DNAH17: variants seen among roughly 807,000 people sequenced by gnomAD.
DNAH17 encodes dynein axonemal heavy chain 17.
A neutral mutation model predicts 485.6 loss-of-function variants in DNAH17; 376 were observed. The ratio of observed to expected loss-of-function variants is 0.77; its 90% CI spans 0.71 to 0.84. The LOEUF is 0.84. DNAH17 is among the 40% of genes least tolerant of loss of function. The probability of loss-of-function intolerance (pLI) is 0.00; values close to 1 mark genes in which losing one functional copy is unlikely to be tolerated. For missense variants in DNAH17, 6,370 were observed against 5,839.3 expected (o/e 1.09, Z -2.96); for synonymous variants, 3,031 against 2,405.9 (o/e 1.26, Z -7.60).
At chr17:78,562,073 G>A in intron 11 of DNAH17, 93 bp from the exon 12 acceptor site, 3 of 1,436,708 alleles carry the variant, frequency 2.1e-6, no homozygotes, top group Non-Finnish European at 2.8e-6. Context: ...CCAATCTTCA[G>A]GAGTGAGAGA....
At position 78,501,294 on chromosome 17, in the gene DNAH17, C is replaced by A. The variant is rs1475675468; in HGVS notation, c.5373G>T (p.Trp1791Cys). 6.2e-7 allele frequency: 1 copy of A among 1,606,392 alleles called. No homozygotes were observed. Among genetic ancestry groups the A allele is most frequent in the South Asian group, 1.1e-5 (1 of 90,742 alleles). The stretch of plus-strand genomic sequence containing the variant: ...CAAAGCAGTGTCGCTTCTCTTCGTC[C>A]CAGCGATGCCGGAGCTGGGCCTGCC... ...FTWQAQLRHRWDEEKRHCFAN... is the reference protein window; with the variant it reads ...FTWQAQLRHRCDEEKRHCFAN... The change falls in exon 35 of 81, where the codon TGG becomes TGT. Residue 1791 changes from tryptophan to cysteine, a missense_variant. Coordinates refer to ENST00000389840, the MANE Select transcript of DNAH17 (RefSeq NM_173628.4).
In DNAH17 at chr17:78,458,823, T is replaced by C. The variant is rs575090050; in HGVS notation, c.9862-143A>G. The C allele has an allele frequency of 1.5e-4, 153 of 1,023,466 alleles. No individual in the cohort carries two copies. The African/African-American group carries it at 2.1e-3, about 14-fold the overall frequency. 63.4% of individuals were successfully genotyped at this position (1,023,466 alleles called of 1,614,324 possible). A position where few individuals can be genotyped will look rare whatever the true frequency, so the allele number is the denominator to read the frequency against. On this transcript the variant is annotated intron_variant, in intron 61 of 80. Coordinates refer to ENST00000389840, the MANE Select transcript of DNAH17 (RefSeq NM_173628.4). ...TGAGAGCCCTCTGGAGCATGGAGGCTAAGGACACCAAGCGGCTCCCGGCAC... is the reference window on the plus strand; with the variant it reads ...TGAGAGCCCTCTGGAGCATGGAGGCCAAGGACACCAAGCGGCTCCCGGCAC...
intron 31 of DNAH17, among the ~76,000 whole-genome samples, chr17:78,504,438 A>T (rs2090416267): frequency 6.6e-6 from 1 of 150,894 alleles, no homozygotes; most frequent in Non-Finnish European, 1.5e-5. Flanking sequence ...TGTAAGGGGT[A>T]AGCCCAGGAA....
At chr17:78,553,091 C>G (rs967530843) in intron 14 of DNAH17, among the ~76,000 whole-genome samples, 19 of 151,956 alleles carry the variant, frequency 1.3e-4, no homozygotes, top group African/African-American at 4.6e-4. Flanking sequence ...AGGTGTAGCA[C>G]CTCCCCCACT....
At chr17:78,434,365 G>A (rs563196516) in intron 74 of DNAH17, 145 bp from the exon 75 acceptor site, 247 of 674,670 alleles carry the variant, frequency 3.7e-4, no homozygotes, top group Non-Finnish European at 5.4e-4. Context: ...GGCTGTGCAG[G>A]TCTCTATCAG....
Position 78,444,813 on chromosome 17 carries a change from G to A in DNAH17, c.11335-16C>T. The A allele has an allele frequency of 1.3e-6, 2 of 1,547,340 alleles. No homozygotes were observed. The highest frequency in any genetic ancestry group is 1.7e-6 in the Non-Finnish European group (2 of 1,149,314). ...CCGAGAGGGCCTAGGGGCAGAGGCAGCGGGCCCTGTGACTCTTCCCACTTA... is the reference window on the plus strand; with the variant it reads ...CCGAGAGGGCCTAGGGGCAGAGGCAACGGGCCCTGTGACTCTTCCCACTTA... On this transcript the variant is annotated splice_polypyrimidine_tract_variant and intron_variant, in intron 70 of 80. Transcript: ENST00000389840.
At chr17:78,459,662 G>A in intron 60 of DNAH17, 122 bp downstream of exon 60, 3 of 1,049,586 alleles carry the variant, frequency 2.9e-6, no homozygotes, top group Non-Finnish European at 4.2e-6. Flanking sequence ...TGGGGAAGGG[G>A]CTGCCTAGAT....
intron 44 of DNAH17, among the ~76,000 whole-genome samples, chr17:78,487,102 G>A (rs1241656817): frequency 6.6e-6 from 1 of 151,382 alleles, no homozygotes; most frequent in Non-Finnish European, 1.5e-5. Context: ...CCAGACTGTT[G>A]GCCACAGACA....
At chr17:78,464,233 A>G (rs2088298071) in intron 56 of DNAH17, among the ~76,000 whole-genome samples, 1 of 152,160 alleles carries the variant, frequency 6.6e-6, no homozygotes, top group Non-Finnish European at 1.5e-5. Flanking sequence ...CATTGAGCTC[A>G]AACAGTGAAC....
chr17:78,562,040 G>A, intron 11 of DNAH17, 60 bp from the exon 12 acceptor site: 4 of 1,501,564 alleles, frequency 2.7e-6, no homozygotes, highest in Non-Finnish European at 3.5e-6. Flanking sequence ...CCCAGCCTGT[G>A]GCTGTGGACA....
chr17:78,491,172 G>A (rs1436947299), intron 43 of DNAH17, among the ~76,000 whole-genome samples: 6 of 152,234 alleles, frequency 3.9e-5, no homozygotes, highest in African/African-American at 1.4e-4. Context: ...ATGGCTTCTA[G>A]ACAATTCTAC....
chr17:78,564,764 C>A (rs756915244), intron 11 of DNAH17, among the ~76,000 whole-genome samples: 18 of 152,136 alleles, frequency 1.2e-4, no homozygotes, highest in Non-Finnish European at 2.5e-4. Context: ...CAGTGCCTGA[C>A]CTCAGGGAGT....
At position 78,510,477 on chromosome 17, in the gene DNAH17, G is replaced by T; in HGVS notation, c.4143C>A (p.Thr1381=). 1.2e-6 allele frequency: 2 copies of T among 1,613,850 alleles called. No homozygotes were observed. Among genetic ancestry groups the T allele is most frequent in the Non-Finnish European group, 1.7e-6 (2 of 1,179,830 alleles). The part of the protein sequence containing the change: ...QVKFKMSEET[T]LADLLQLNLH... Reference sequence around the variant, plus strand: ...GGTTCAGCTGCAGTAAATCTGCCAGGGTCGTCTCTTCTGACATTTTAAATT... The same window carrying T: ...GGTTCAGCTGCAGTAAATCTGCCAGTGTCGTCTCTTCTGACATTTTAAATT... Residue 1381 remains threonine, a synonymous_variant, in exon 27 of 81, where the codon ACC becomes ACA. Transcript: ENST00000389840.
chr17:78,539,834 T>C lies in DNAH17; in HGVS notation c.2579A>G (p.Lys860Arg). Residue 860 changes from lysine to arginine, a missense_variant, in exon 18 of 81, where the codon AAG becomes AGG. Physicochemically the swap from Lys to Arg is conservative, Grantham distance 26 (BLOSUM62 2). Coordinates refer to ENST00000389840, the MANE Select transcript of DNAH17 (RefSeq NM_173628.4). ...GTCGTCAATGTAGATGACATAATCC[T>C]TCCAGGGCAGGCTCAGTGTGTCTGC... is the stretch of plus-strand genomic sequence containing the variant. ...FRADTLSLPW[K>R]DYVIYIDDMV... 6.2e-7 allele frequency: 1 copy of C among 1,611,266 alleles called. No individual in the cohort carries two copies. Among genetic ancestry groups the C allele is most frequent in the East Asian group, 2.2e-5 (1 of 44,844 alleles).
In DNAH17 at chr17:78,561,879, G is replaced by A; in HGVS notation, c.1671C>T (p.Asp557=). 4 of 1,613,938 alleles carry A rather than the reference G, an allele frequency of 2.5e-6. No homozygotes were observed. The highest frequency in any genetic ancestry group is 2.5e-6 in the Non-Finnish European group (3 of 1,179,872). The change falls in exon 12 of 81, where the codon GAC becomes GAT. Residue 557 remains aspartate, a synonymous_variant. Transcript: ENST00000389840. Reference sequence around the variant, plus strand: ...GGGCATCGTACAAGATCTTAGCATTGTCTAGCTCAGCGTCAAACAGCTCCA... The same window carrying A: ...GGGCATCGTACAAGATCTTAGCATTATCTAGCTCAGCGTCAAACAGCTCCA... ...VMLELFDAEL[D]NAKILYDAQM... is the part of the protein sequence containing the mutation.
chr17:78,485,243 C>G, intron 47 of DNAH17: 1 of 676,236 alleles, frequency 1.5e-6, no homozygotes, highest in East Asian at 2.8e-5. Context: ...GCGAGGGTGG[C>G]AGGAACCTTG....
At chr17:78,428,151 G>A (rs890526781) in intron 77 of DNAH17, among the ~76,000 whole-genome samples, 14 of 152,288 alleles carry the variant, frequency 9.2e-5, no homozygotes, top group African/African-American at 2.6e-4. Context: ...CGGCTGCCCG[G>A]TGCGAGCTGC....
At chr17:78,558,541 T>TCACCCTCATGGGTGGATGATGA (rs2092080591) in intron 13 of DNAH17, among the ~76,000 whole-genome samples, 1 of 151,980 alleles carries the variant, frequency 6.6e-6, no homozygotes, top group Non-Finnish European at 1.5e-5. Context: ...GTGGATGACA[T>TCACCCTCATGGGTGGATGATGA]CATCATTGCA....
At chr17:78,455,607 G>T in intron 63 of DNAH17, 37 bp downstream of exon 63, 2 of 1,468,716 alleles carry the variant, frequency 1.4e-6, no homozygotes, top group Non-Finnish European at 1.8e-6. Flanking sequence ...CATTACAGGC[G>T]TGAGCCACCG....
Sources: gnomAD v4.1 joint callset for allele counts (sites outside exome capture counted in the v4.1 genomes callset) on GRCh38, gnomAD v4.1.1 for gene constraint, MANE v1.5 for transcripts, NCBI Gene and HGNC (gene_info 2026-07-23, HGNC 2026-07-21) for gene names.